Variants in DOCK3 observed in about 807,000 individuals in gnomAD.
DOCK3 encodes the protein dedicator of cytokinesis protein 3.
In DOCK3, 60 loss-of-function variants were observed where a neutral mutation model predicts 265.6. The ratio of observed to expected loss-of-function variants is 0.23; its 90% CI spans 0.18 to 0.28. The LOEUF is 0.28. DOCK3 is among the 10% of genes least tolerant of loss of function. The pLI is 1.00. For missense variants in DOCK3, 1,981 were observed against 2,594.3 expected (o/e 0.76, Z 5.14); for synonymous variants, 881 against 938.0 (o/e 0.94, Z 1.11).
chr3:50,959,709 A>G (rs1409372247), intron 5 of DOCK3, among the ~76,000 whole-genome samples: 1 of 152,046 alleles, frequency 6.6e-6, no homozygotes, highest in Admixed American at 6.6e-5. Flanking sequence ...CCTCCAGAGT[A>G]GCTGAGACTA....
chr3:51,309,686 C>T (rs1473677225), intron 27 of DOCK3, among the ~76,000 whole-genome samples: 1 of 152,124 alleles, frequency 6.6e-6, no homozygotes, highest in Admixed American at 6.5e-5. Context: ...ACATGGGACT[C>T]ATCCATTTTT....
chr3:51,104,928 C>T (rs4286453), intron 9 of DOCK3, among the ~76,000 whole-genome samples: 137,171 of 152,190 alleles, frequency 0.9, 62,010 homozygotes, highest in African/African-American at 0.95. Context: ...AGCGGGACTA[C>T]GGGTGTACAC....
At chr3:51,249,688 C>CGGGA (rs2079087278) in intron 22 of DOCK3, among the ~76,000 whole-genome samples, 1 of 125,930 alleles carries the variant, frequency 7.9e-6, no homozygotes, top group Non-Finnish European at 1.7e-5. Flanking sequence ...CCGCCCCGTC[C>CGGGA]GGGAGGTGAG....
intron 51 of DOCK3, chr3:51,379,354 A>T: frequency 1.0e-6 from 1 of 975,432 alleles, no homozygotes; most frequent in Non-Finnish European, 1.2e-6. Flanking sequence ...TGTGCTGGAT[A>T]CGTGGTGCAC....
intron 23 of DOCK3, among the ~76,000 whole-genome samples, chr3:51,262,439 A>G (rs1233363401): frequency 6.7e-6 from 1 of 150,238 alleles, no homozygotes; most frequent in Non-Finnish European, 1.5e-5. Flanking sequence ...CCAAAGGTAG[A>G]TAAATCCAGG....
At position 51,361,963 on chromosome 3, in the gene DOCK3, G is replaced by C. The variant is rs772893780; in HGVS notation, c.5111G>C (p.Gly1704Ala). The C allele has an allele frequency of 6.2e-7, 1 of 1,611,062 alleles. No individual in the cohort carries two copies. The highest frequency in any genetic ancestry group is 1.1e-5 in the South Asian group (1 of 90,210). ...GTGATGCTGGGTGACGGCTCCATGG[G>C]TGATGCTCCTGAGGACCTGTACCAC... ...NMVMLGDGSM[G>A]DAPEDLYHHM... The change falls in exon 48 of 53, where the codon GGT becomes GCT. Residue 1704 changes from glycine (G) to alanine (A), a missense_variant. By Grantham distance (60) the Gly-to-Ala change is moderately conservative (BLOSUM62 0). Transcript: ENST00000266037. The surrounding 1 kb of genome is among the most constrained non-coding windows in gnomAD (Gnocchi z 4.2).
At chr3:51,248,994 G>A (rs1244561773) in intron 22 of DOCK3, among the ~76,000 whole-genome samples, 15 of 147,598 alleles carry the variant, frequency 1.0e-4, no homozygotes, top group African/African-American at 2.5e-4. Context: ...CTCTCCGCCC[G>A]GCAGCCGCCC....
intron 27 of DOCK3, among the ~76,000 whole-genome samples, chr3:51,285,292 AAAAT>A (rs2081346119): frequency 6.6e-6 from 1 of 152,176 alleles, no homozygotes; most frequent in South Asian, 2.1e-4. Flanking sequence ...AGCATCAAGG[AAAAT>A]AAATAGGAGT....
At chr3:50,745,280 A>C (rs1228035489) in intron 1 of DOCK3, among the ~76,000 whole-genome samples, 2 of 152,072 alleles carry the variant, frequency 1.3e-5, no homozygotes, top group Non-Finnish European at 2.9e-5. Flanking sequence ...TCCCAACCTC[A>C]GGTGATCTGC....
At chr3:50,687,381 T>C (rs930307451) in intron 1 of DOCK3, among the ~76,000 whole-genome samples, 1 of 152,224 alleles carries the variant, frequency 6.6e-6, no homozygotes, top group African/African-American at 2.4e-5. Flanking sequence ...GTCACACAAG[T>C]AAGCAGTTTG....
intron 5 of DOCK3, among the ~76,000 whole-genome samples, chr3:51,021,495 A>G (rs2079589535): frequency 5.3e-5 from 8 of 152,072 alleles, no homozygotes. Flanking sequence ...ATTCCTTAAG[A>G]TTTAAGGAAG....
chr3:51,233,324 A>G, intron 19 of DOCK3, among the ~76,000 whole-genome samples: 1 of 41,386 alleles, frequency 2.4e-5, no homozygotes, highest in Non-Finnish European at 7.1e-5. Flanking sequence ...CTTTCTATCT[A>G]TCTATCTATC....
At chr3:51,153,785 A>C (rs987214438) in intron 10 of DOCK3, among the ~76,000 whole-genome samples, 2 of 152,202 alleles carry the variant, frequency 1.3e-5, no homozygotes, top group Non-Finnish European at 2.9e-5. Flanking sequence ...CCACCTTGCC[A>C]TGTGTGTTCT....
At chr3:50,886,184 G>GGA (rs1434445765) in intron 3 of DOCK3, among the ~76,000 whole-genome samples, 5 of 117,822 alleles carry the variant, frequency 4.2e-5, no homozygotes, top group Non-Finnish European at 7.7e-5. Flanking sequence ...TTTTTATTTT[G>GGA]GAGATATATA....
intron 12 of DOCK3, among the ~76,000 whole-genome samples, chr3:51,187,821 G>A (rs529778339): frequency 2.8e-5 from 4 of 141,622 alleles, no homozygotes; most frequent in East Asian, 2.1e-4. Context: ...GCCTTCCACC[G>A]TGATTGTGAG....
At chr3:51,077,541 C>T (rs1195180471) in intron 7 of DOCK3, among the ~76,000 whole-genome samples, 1 of 152,060 alleles carries the variant, frequency 6.6e-6, no homozygotes, top group Admixed American at 6.6e-5. Flanking sequence ...AAGTTAGAAC[C>T]ATAGTTGTAG....
At chr3:51,340,023 TAATAA>T (rs1364923547) in intron 37 of DOCK3, among the ~76,000 whole-genome samples, 1 of 152,230 alleles carries the variant, frequency 6.6e-6, no homozygotes, top group Non-Finnish European at 1.5e-5. Context: ...TTCAGCTGAC[TAATAA>T]AATAAAATGA....
chr3:50,868,458 A>C (rs2047253361), intron 3 of DOCK3, among the ~76,000 whole-genome samples: 1 of 151,892 alleles, frequency 6.6e-6, no homozygotes, highest in Non-Finnish European at 1.5e-5. Context: ...CTTCAGCTTC[A>C]ACCTCCCTGG....
At chr3:50,704,118 G>A (rs2036234304) in intron 1 of DOCK3, among the ~76,000 whole-genome samples, 1 of 151,862 alleles carries the variant, frequency 6.6e-6, no homozygotes. Context: ...TTTCTGATTT[G>A]TTTTATTGTG....
Sources: allele counts gnomAD v4.1 joint callset (sites outside exome capture counted in the v4.1 genomes callset), GRCh38; gene constraint gnomAD v4.1.1; non-coding constraint Gnocchi (gnomAD v3.1); transcripts MANE v1.5; gene names NCBI Gene and HGNC (gene_info 2026-07-23, HGNC 2026-07-21).